Variants in ADISSP observed in about 807,000 individuals in gnomAD.
The protein encoded by ADISSP is adipose-secreted signaling protein.
At chr20:3,764,633 C>T in the ADISSP span, among the ~76,000 whole-genome samples, 1 of 152,264 alleles carries the variant, frequency 6.6e-6, no homozygotes, top group Non-Finnish European at 1.5e-5. Flanking sequence ...TCTTCCTCAC[C>T]TTACAAGGGT....
the ADISSP span, among the ~76,000 whole-genome samples, chr20:3,763,903 A>C: frequency 2.0e-5 from 3 of 152,116 alleles, no homozygotes; most frequent in Non-Finnish European, 4.4e-5. Context: ...GCCCTGCCTC[A>C]TGGGCAGGGT....
At chr20:3,758,660 C>T in the ADISSP span, 19 of 1,613,984 alleles carry the variant, frequency 1.2e-5, no homozygotes, top group Admixed American at 5.0e-5. The surrounding 1 kb of genome is among the most constrained non-coding windows in gnomAD (Gnocchi z 5.5). Context: ...GCGGATACTC[C>T]GGACTCTGGG....
chr20:3,761,341 T>TG, the ADISSP span, among the ~76,000 whole-genome samples: 14 of 151,166 alleles, frequency 9.3e-5, no homozygotes, highest in Non-Finnish European at 4.4e-5. Context: ...TTTTTGTTTT[T>TG]TTTTTTTTTC....
chr20:3,761,458 C>A, the ADISSP span, among the ~76,000 whole-genome samples: 1 of 152,048 alleles, frequency 6.6e-6, no homozygotes, highest in African/African-American at 2.4e-5. Context: ...ACCTCAGCAT[C>A]CCGAGTAGCT....
chr20:3,757,692 A>G, the ADISSP span, among the ~76,000 whole-genome samples: 3 of 152,080 alleles, frequency 2.0e-5, no homozygotes, highest in African/African-American at 7.2e-5. Context: ...GCAGTGGCAC[A>G]ATCTCAGCTC....
At chr20:3,756,963 C>T in the ADISSP span, among the ~76,000 whole-genome samples, 1 of 152,056 alleles carries the variant, frequency 6.6e-6, no homozygotes, top group African/African-American at 2.4e-5. Context: ...GTGAGGCCAG[C>T]TTTTGTTTTT....
the ADISSP span, among the ~76,000 whole-genome samples, chr20:3,755,170 G>A: frequency 6.6e-6 from 1 of 152,154 alleles, no homozygotes; most frequent in East Asian, 1.9e-4. Context: ...AGGGAGGCAG[G>A]AGGGAAGGCT....
At chr20:3,754,423 C>T in the ADISSP span, 42 of 1,613,836 alleles carry the variant, frequency 2.6e-5, no homozygotes, top group Admixed American at 2.3e-4. Flanking sequence ...CACCGTCACG[C>T]GCACACAGGT....
the ADISSP span, chr20:3,758,388 C>G: frequency 1.5e-6 from 1 of 673,132 alleles, no homozygotes; most frequent in African/African-American, 1.8e-5. This position sits in a 1 kb window ranked among gnomAD's most constrained non-coding sequence, Gnocchi z 5.5. Context: ...ATCTCACTGC[C>G]TCCCATCTGA....
chr20:3,764,133 G>GC, the ADISSP span, among the ~76,000 whole-genome samples: 1 of 152,074 alleles, frequency 6.6e-6, no homozygotes, highest in African/African-American at 2.4e-5. Flanking sequence ...TGCCGTAACC[G>GC]CCCCCCGACT....
chr20:3,766,345 C>T, the ADISSP span, among the ~76,000 whole-genome samples: 2 of 151,940 alleles, frequency 1.3e-5, no homozygotes, highest in Non-Finnish European at 2.9e-5. Context: ...GGCAGCTTCA[C>T]ATCAACTCAG....
the ADISSP span, chr20:3,760,159 C>T: frequency 1.4e-6 from 2 of 1,420,572 alleles, no homozygotes; most frequent in African/African-American, 1.4e-5. Flanking sequence ...TCAGCAGCCT[C>T]CCATGCTCCA....
At chr20:3,758,641 TGCCGCAAAGCG>T in the ADISSP span, 1 of 1,614,026 alleles carries the variant, frequency 6.2e-7, no homozygotes, top group Non-Finnish European at 8.5e-7. This position sits in a 1 kb window ranked among gnomAD's most constrained non-coding sequence, Gnocchi z 5.5. Flanking sequence ...CATCGTGGCC[TGCCGCAAAGCG>T]GATACTCCGG....
chr20:3,764,747 A>G, the ADISSP span, among the ~76,000 whole-genome samples: 1 of 152,212 alleles, frequency 6.6e-6, no homozygotes, highest in Admixed American at 6.5e-5. Flanking sequence ...TGACCACATC[A>G]CATTTGCTTG....
At chr20:3,758,819 C>G in the ADISSP span, 5 of 764,626 alleles carry the variant, frequency 6.5e-6, no homozygotes, top group Non-Finnish European at 1.0e-5. The surrounding 1 kb of genome is among the most constrained non-coding windows in gnomAD (Gnocchi z 5.5). Flanking sequence ...TAGATGGACA[C>G]TAGGATCATG....
chr20:3,756,745 G>C, the ADISSP span, among the ~76,000 whole-genome samples: 1 of 152,202 alleles, frequency 6.6e-6, no homozygotes, highest in Non-Finnish European at 1.5e-5. Flanking sequence ...AGGGGAAATA[G>C]AGATGTGCAG....
the ADISSP span, chr20:3,767,536 AC>A: frequency 1.3e-5 from 2 of 152,326 alleles, no homozygotes; most frequent in Non-Finnish European, 2.9e-5. Flanking sequence ...GGAGCCCCCC[AC>A]CCCAGCCCTG....
the ADISSP span, chr20:3,758,463 G>A: frequency 9.3e-5 from 134 of 1,440,694 alleles, no homozygotes; most frequent in East Asian, 1.1e-3. The surrounding 1 kb of genome is among the most constrained non-coding windows in gnomAD (Gnocchi z 5.5). Flanking sequence ...TGAGAGGAAC[G>A]GGGATAGGCA....
the ADISSP span, among the ~76,000 whole-genome samples, chr20:3,756,526 G>A: frequency 5.9e-5 from 9 of 152,212 alleles, no homozygotes; most frequent in East Asian, 1.7e-3. Context: ...CTGGGGCTGG[G>A]CAGCCCCATC....
Sources: allele counts gnomAD v4.1 joint callset (sites outside exome capture counted in the v4.1 genomes callset), GRCh38; gene constraint gnomAD v4.1.1; non-coding constraint Gnocchi (gnomAD v3.1); transcripts MANE v1.5; gene names NCBI Gene and HGNC (gene_info 2026-07-23, HGNC 2026-07-21).